Variants in PTPN9 observed in about 807,000 individuals in gnomAD.
PTPN9 encodes protein tyrosine phosphatase non-receptor type 9.
Under a neutral mutation model 69.8 loss-of-function variants are expected in PTPN9, and 26 were observed. The observed-to-expected ratio is 0.37, with a 90% confidence interval of 0.27 to 0.52. PTPN9 has a LOEUF of 0.52. Ranked by LOEUF, PTPN9 falls within the 20% of genes least tolerant of loss-of-function variation. The pLI, the probability that PTPN9 is intolerant of heterozygous loss-of-function variation, is 0.91. For synonymous variants in PTPN9, 274 were observed against 272.5 expected, an observed-to-expected ratio of 1.01 and a Z score of -0.05; for missense variants, 549 against 740.3, an observed-to-expected ratio of 0.74 and a Z score of 3.00.
intron 8 of PTPN9, chr15:75,480,806 C>CG (rs1415979579): frequency 1.4e-6 from 1 of 721,232 alleles, no homozygotes; most frequent in African/African-American, 1.9e-5. Flanking sequence ...GAGGAGCGGA[C>CG]GGGCCCCGCG....
intron 1 of PTPN9, among the ~76,000 whole-genome samples, chr15:75,575,736 G>A (rs976456624): frequency 6.8e-6 from 1 of 147,774 alleles, no homozygotes; most frequent in African/African-American, 2.5e-5. Context: ...TGGCTAACAT[G>A]GGGAAACCCC....
intron 1 of PTPN9, among the ~76,000 whole-genome samples, chr15:75,550,699 A>G (rs2075053271): frequency 6.6e-6 from 1 of 152,050 alleles, no homozygotes; most frequent in Admixed American, 6.6e-5. Context: ...AGGCAGGAGA[A>G]TCGCTTGAAC....
intron 1 of PTPN9, among the ~76,000 whole-genome samples, chr15:75,547,294 CAAAAAA>C (rs71140170): frequency 3.3e-5 from 2 of 60,032 alleles, no homozygotes; most frequent in African/African-American, 6.9e-5. Context: ...GACTCTGTCT[CAAAAAA>C]AAAAAAAAAA....
chr15:75,506,715 C>A (rs1372913134), intron 6 of PTPN9, among the ~76,000 whole-genome samples: 1 of 152,050 alleles, frequency 6.6e-6, no homozygotes, highest in Non-Finnish European at 1.5e-5. Context: ...CTGCTCTCTG[C>A]TTGGACATAG....
chr15:75,513,233 G>A, intron 5 of PTPN9: 1 of 454,890 alleles, frequency 2.2e-6, no homozygotes, highest in Non-Finnish European at 4.4e-6. Context: ...AATAACAGGT[G>A]TTTTCCTAGA....
chr15:75,504,318 G>T (rs2074800139), intron 7 of PTPN9, among the ~76,000 whole-genome samples: 1 of 117,808 alleles, frequency 8.5e-6, no homozygotes, highest in Non-Finnish European at 1.8e-5. Flanking sequence ...CCTCTGCCCA[G>T]CCGCCCCTAC....
intron 5 of PTPN9, chr15:75,513,450 A>C (rs1438250114): frequency 4.4e-6 from 2 of 454,026 alleles, no homozygotes; most frequent in Non-Finnish European, 8.9e-6. Context: ...TGAAGAGAAC[A>C]GAGTGACATG....
chr15:75,561,928 G>C (rs529754016), intron 1 of PTPN9, among the ~76,000 whole-genome samples: 29 of 152,136 alleles, frequency 1.9e-4, no homozygotes, highest in African/African-American at 7.0e-4. Flanking sequence ...GGCTGGTCTC[G>C]AACTCCCAAC....
intron 1 of PTPN9, among the ~76,000 whole-genome samples, chr15:75,552,339 G>A (rs1485845958): frequency 6.6e-6 from 1 of 152,192 alleles, no homozygotes; most frequent in Non-Finnish European, 1.5e-5. Flanking sequence ...CCCAGGAGGC[G>A]GAGGTTGCGG....
intron 3 of PTPN9, 52 bp from the exon 4 acceptor site, chr15:75,523,297 C>CA: frequency 1.9e-6 from 3 of 1,580,730 alleles, no homozygotes; most frequent in Non-Finnish European, 2.6e-6. Context: ...AAAATCACAG[C>CA]AATTACTAAG....
At chr15:75,560,232 C>T (rs990735883) in intron 1 of PTPN9, among the ~76,000 whole-genome samples, 27 of 152,022 alleles carry the variant, frequency 1.8e-4, no homozygotes, top group African/African-American at 5.3e-4. Flanking sequence ...ATTCAGTTTC[C>T]GGAAATGTCT....
chr15:75,515,703 G>T (rs1274794068), intron 5 of PTPN9, among the ~76,000 whole-genome samples: 1 of 151,842 alleles, frequency 6.6e-6, no homozygotes, highest in African/African-American at 2.4e-5. Flanking sequence ...TTTGAGACCA[G>T]CCTGGCCAAC....
chr15:75,520,484 G>GATAGATA lies in PTPN9; in HGVS notation c.422+2636_422+2637insTATCTAT, dbSNP rs1567500031. Among the ~76,000 whole-genome samples the GATAGATA allele has an allele frequency of 1.3e-3, 80 of 62,878 alleles. 1 individual carries two copies. The highest frequency in any genetic ancestry group is 3.7e-3 in the African/African-American group (70 of 19,088). 41.3% of individuals were successfully genotyped at this position (62,878 alleles called of 152,430 possible). A position where few individuals can be genotyped will look rare whatever the true frequency, so the allele number is the denominator to read the frequency against. ...TAGATAGATAGATAGATAGATAGATGTGTGTGTGTTTATATATGTGTGTAT... is the reference window on the plus strand; with the variant it reads ...TAGATAGATAGATAGATAGATAGATGATAGATATGTGTGTGTTTATATATGTGTGTAT... On this transcript the variant is annotated intron_variant, in intron 4 of 12. Coordinates refer to ENST00000618819, the MANE Select transcript of PTPN9 (RefSeq NM_002833.4).
In PTPN9 at chr15:75,463,353, C is replaced by T. The variant is rs947184863; in HGVS notation, c.*5416G>A. On this transcript the variant is annotated 3_prime_UTR_variant, in exon 13 of 13. Coordinates refer to ENST00000618819, the MANE Select transcript of PTPN9 (RefSeq NM_002833.4). ...CCAGATGAAATGGCTGACCTTTACT[C>T]AGGTGCACATCTGGCCAGTCTTGAG... is the stretch of plus-strand genomic sequence containing the variant. The T allele has an allele frequency of 2.6e-5, 4 of 152,160 alleles. No homozygotes were observed. Among genetic ancestry groups the T allele is most frequent in the African/African-American group, 9.7e-5 (4 of 41,434 alleles). The allele number at this position is 152,160 out of a possible 1,614,324, so 9.4% of individuals were successfully genotyped here.
chr15:75,577,639 A>G (rs1171773799), intron 1 of PTPN9, among the ~76,000 whole-genome samples: 5 of 152,250 alleles, frequency 3.3e-5, no homozygotes, highest in African/African-American at 7.2e-5. Context: ...TTAGCCAATA[A>G]TAGTTTGTAA....
intron 1 of PTPN9, among the ~76,000 whole-genome samples, chr15:75,531,795 G>A (rs775168271): frequency 1.3e-5 from 2 of 151,806 alleles, no homozygotes; most frequent in Non-Finnish European, 2.9e-5. Context: ...TCCTCACCTC[G>A]TGATCCACCT....
chr15:75,536,271 A>T (rs907072652), intron 1 of PTPN9, among the ~76,000 whole-genome samples: 2 of 152,198 alleles, frequency 1.3e-5, no homozygotes, highest in Non-Finnish European at 2.9e-5. Flanking sequence ...TGTTGAGAAG[A>T]CACAACATAG....
At chr15:75,555,528 C>T (rs550930242) in intron 1 of PTPN9, among the ~76,000 whole-genome samples, 3 of 151,756 alleles carry the variant, frequency 2.0e-5, no homozygotes, top group African/African-American at 7.3e-5. Flanking sequence ...ATTTTTGAGA[C>T]AGTCCTCGCT....
At chr15:75,518,483 A>AAT (rs35417111) in intron 4 of PTPN9, among the ~76,000 whole-genome samples, 1 of 149,344 alleles carries the variant, frequency 6.7e-6, no homozygotes, top group African/African-American at 2.5e-5. Context: ...AAAAAAAAAA[A>AAT]GAGGGAAAAG....
Sources: allele counts gnomAD v4.1 joint callset (sites outside exome capture counted in the v4.1 genomes callset), GRCh38; gene constraint gnomAD v4.1.1; transcripts MANE v1.5; gene names NCBI Gene and HGNC (gene_info 2026-07-23, HGNC 2026-07-21).